COL4A6: variants seen among roughly 807,000 people sequenced by gnomAD.
COL4A6 encodes collagen alpha-6(IV) chain.
Under a neutral mutation model 126.7 loss-of-function variants are expected in COL4A6, and 59 were observed. The ratio of observed to expected loss-of-function variants is 0.47; its 90% CI spans 0.38 to 0.58. COL4A6 has a LOEUF of 0.58. Among genes scored for constraint, COL4A6 ranks in the 20% least tolerant of loss-of-function variants. COL4A6 has a pLI of 0.00. For missense variants in COL4A6, 1,285 were observed against 1,337.3 expected (o/e 0.96, Z 0.61); for synonymous variants, 547 against 496.6 (o/e 1.10, Z -1.35).
chrX:108,297,581 G>A (rs2038359788), intron 3 of COL4A6, among the ~76,000 whole-genome samples: 1 of 110,823 alleles, frequency 9.0e-6, no homozygotes, highest in Non-Finnish European at 1.9e-5. Flanking sequence ...ATGGGTAAAT[G>A]TGTATCATTT....
At chrX:108,307,320 T>C (rs1422991421) in intron 3 of COL4A6, among the ~76,000 whole-genome samples, 1 of 111,999 alleles carries the variant, frequency 8.9e-6, no homozygotes, top group Non-Finnish European at 1.9e-5. Context: ...CTGGTGACCT[T>C]GCGCAAGTCA....
intron 2 of COL4A6, among the ~76,000 whole-genome samples, chrX:108,324,854 G>GA (rs1302707876): frequency 4.5e-5 from 5 of 110,865 alleles, no homozygotes; most frequent in African/African-American, 1.3e-4. Flanking sequence ...AAATCAGAAG[G>GA]AAAAAAAATC....
At chrX:108,164,723 T>G (rs1361519211) in intron 39 of COL4A6, 25 bp from the exon 40 acceptor site, 2 of 1,203,706 alleles carry the variant, frequency 1.7e-6, no homozygotes, top group Admixed American at 4.4e-5. Flanking sequence ...AGGAAGCAAG[T>G]CAGGTCCCGG....
intron 3 of COL4A6, among the ~76,000 whole-genome samples, chrX:108,228,694 A>C (rs1336303315): frequency 1.8e-5 from 2 of 111,787 alleles, no homozygotes; most frequent in Non-Finnish European, 3.8e-5. Context: ...CCCCTTATAA[A>C]ACCATCATAT....
At chrX:108,225,497 C>G (rs550358595) in intron 3 of COL4A6, among the ~76,000 whole-genome samples, 2 of 112,403 alleles carry the variant, frequency 1.8e-5, no homozygotes, top group African/African-American at 6.5e-5. Context: ...ATATGCACAT[C>G]AGGGTCTAAT....
At chrX:108,184,073 CT>C (rs1289740992) in intron 23 of COL4A6, among the ~76,000 whole-genome samples, 1 of 112,152 alleles carries the variant, frequency 8.9e-6, no homozygotes, top group Non-Finnish European at 1.9e-5. Context: ...ATTGCATCCT[CT>C]TTCCTGGCAA....
intron 3 of COL4A6, among the ~76,000 whole-genome samples, chrX:108,225,038 T>G (rs60044715): frequency 0.11 from 4,049 of 36,849 alleles, 112 homozygotes; most frequent in Middle Eastern, 0.29. Flanking sequence ...ATTTTATACA[T>G]GGGGCGGGGG....
intron 13 of COL4A6, among the ~76,000 whole-genome samples, chrX:108,197,093 G>T (rs905960423): frequency 9.0e-6 from 1 of 111,655 alleles, no homozygotes; most frequent in Non-Finnish European, 1.9e-5. Flanking sequence ...GACATAATGA[G>T]CACAACATCC....
chrX:108,347,905 T>C (rs964641275), intron 2 of COL4A6, among the ~76,000 whole-genome samples: 4 of 108,998 alleles, frequency 3.7e-5, no homozygotes, highest in Non-Finnish European at 7.6e-5. Context: ...TTAAAGCAGC[T>C]CTGAAGCCCC....
intron 7 of COL4A6, among the ~76,000 whole-genome samples, chrX:108,210,885 C>G (rs193084140): frequency 8.9e-6 from 1 of 111,982 alleles, no homozygotes; most frequent in East Asian, 2.8e-4. Context: ...CACCCACCCC[C>G]ATCACTGCCT....
intron 3 of COL4A6, among the ~76,000 whole-genome samples, chrX:108,236,097 T>C (rs2036423043): frequency 9.0e-6 from 1 of 111,447 alleles, no homozygotes; most frequent in African/African-American, 3.3e-5. Context: ...CAGAATTCTG[T>C]AGAGATAAAG....
chrX:108,179,409 A>T lies in COL4A6; in HGVS notation c.2161T>A (p.Leu721Met). 8.3e-7 allele frequency: 1 copy of T among 1,209,018 alleles called. No homozygotes were observed. Among genetic ancestry groups the T allele is most frequent in the South Asian group, 1.8e-5 (1 of 56,536 alleles). ...GFPGPRGEKG[L>M]PGFPGLPGKD... ...CCAGGGAGCCCAGGAAACCCAGGCA[A>T]GCCCTTCTCCCCACGAGGTCCAGGA... Residue 721 changes from leucine (L) to methionine (M), a missense_variant, in exon 26 of 45, where the codon TTG (leucine) becomes ATG (methionine). Leu to Met is a conservative substitution (Grantham distance 15, BLOSUM62 2). Transcript: ENST00000334504.
chrX:108,201,614 C>T (rs2345393), intron 13 of COL4A6, among the ~76,000 whole-genome samples: 5,775 of 111,901 alleles, frequency 0.052, 212 homozygotes, highest in African/African-American at 0.12. Context: ...ATTATTAAAA[C>T]TGTGTGATGG....
At chrX:108,438,496 C>A, upstream of COL4A6, 1 of 975,102 alleles carries the variant, frequency 1.0e-6, no homozygotes, top group Non-Finnish European at 1.3e-6. Context: ...ATCCCCCCTA[C>A]CTTGGGCAGC....
chrX:108,317,030 T>C (rs1730882965), intron 2 of COL4A6, among the ~76,000 whole-genome samples: 1 of 112,554 alleles, frequency 8.9e-6, no homozygotes, highest in South Asian at 3.7e-4. Flanking sequence ...AGCTGCCATG[T>C]GAACTGTAGT....
chrX:108,255,885 C>T (rs897512981), intron 3 of COL4A6, among the ~76,000 whole-genome samples: 2 of 111,234 alleles, frequency 1.8e-5, no homozygotes, highest in African/African-American at 6.5e-5. Flanking sequence ...AGAGATACAG[C>T]TGCCATGGAG....
intron 5 of COL4A6, among the ~76,000 whole-genome samples, chrX:108,218,216 T>C (rs946704319): frequency 3.5e-5 from 4 of 112,679 alleles, no homozygotes; most frequent in African/African-American, 1.3e-4. Flanking sequence ...TCCACTCATC[T>C]CTGGCAAAGC....
rs2035478878 is a variant in COL4A6, at chrX:108,204,309, A to G, written c.780+11T>C. ...TTTATTAATTTTTTCCTATTCTTAA[A>G]TGTTCACTACCTTGGATCCTTTCTT... On this transcript the variant is annotated intron_variant, in intron 12 of 44. Coordinates refer to ENST00000334504, the MANE Select transcript of COL4A6 (RefSeq NM_033641.4). 1.7e-6 allele frequency: 2 copies of G among 1,144,627 alleles called. No homozygotes were observed. Among genetic ancestry groups the G allele is most frequent in the Non-Finnish European group, 2.3e-6 (2 of 858,800 alleles). The allele number at this position is 1,144,627 out of a possible 1,213,427, so 94.3% of individuals were successfully genotyped here. A position where few individuals can be genotyped will look rare whatever the true frequency, so the allele number is the denominator to read the frequency against.
intron 2 of COL4A6, among the ~76,000 whole-genome samples, chrX:108,415,755 C>T (rs2041422655): frequency 8.9e-6 from 1 of 112,247 alleles, no homozygotes; most frequent in African/African-American, 3.2e-5. Flanking sequence ...TTCATTGCTG[C>T]TAGTAGCCTT....
Sources: allele counts gnomAD v4.1 joint callset (sites outside exome capture counted in the v4.1 genomes callset), GRCh38; gene constraint gnomAD v4.1.1; transcripts MANE v1.5; gene names NCBI Gene and HGNC (gene_info 2026-07-23, HGNC 2026-07-21).